Variants in STEAP3 observed in about 807,000 individuals in gnomAD.
The protein encoded by STEAP3 is metalloreductase STEAP3.
In STEAP3, 35 loss-of-function variants were observed where a neutral mutation model predicts 34.9. The ratio of observed to expected loss-of-function variants is 1.00; its 90% confidence interval spans 0.76 to 1.33. STEAP3 has a LOEUF of 1.33. STEAP3 is among the 40% of genes most tolerant of loss of function. STEAP3 has a pLI of 0.00. For missense variants in STEAP3, 652 were observed against 667.6 expected (o/e 0.98, Z 0.26); for synonymous variants, 281 against 301.6 (o/e 0.93, Z 0.71).
At chr2:119,239,768 C>T (rs946063986) in intron 2 of STEAP3, among the ~76,000 whole-genome samples, 1 of 152,186 alleles carries the variant, frequency 6.6e-6, no homozygotes, top group African/African-American at 2.4e-5. Flanking sequence ...TAGTCCACTG[C>T]CTGGCCCTCC....
chr2:119,245,246 C>T, intron 2 of STEAP3: 1 of 500,030 alleles, frequency 2.0e-6, no homozygotes, highest in Non-Finnish European at 3.5e-6. Flanking sequence ...AATCATTCAG[C>T]AGGAGGGACA....
intron 4 of STEAP3, among the ~76,000 whole-genome samples, chr2:119,250,881 C>T (rs1359480107): frequency 2.6e-5 from 4 of 152,162 alleles, no homozygotes; most frequent in Admixed American, 6.5e-5. Flanking sequence ...CCATCCCTCC[C>T]GCAGGACGAG....
intron 4 of STEAP3, among the ~76,000 whole-genome samples, chr2:119,250,799 C>T (rs376024585): frequency 2.2e-4 from 34 of 152,264 alleles, no homozygotes; most frequent in East Asian, 1.2e-3. Flanking sequence ...CACAGAGGGG[C>T]GCATGCAAGG....
At chr2:119,240,211 A>C (rs1020346018) in intron 2 of STEAP3, among the ~76,000 whole-genome samples, 13 of 152,358 alleles carry the variant, frequency 8.5e-5, no homozygotes, top group Non-Finnish European at 1.6e-4. Flanking sequence ...TCAATAAATA[A>C]ATAACTAATA....
chr2:119,235,396 G>A (rs978322166), intron 2 of STEAP3, among the ~76,000 whole-genome samples: 1 of 152,128 alleles, frequency 6.6e-6, no homozygotes, highest in Non-Finnish European at 1.5e-5. Flanking sequence ...TGGGAGCTGG[G>A]CCAACTGTAA....
chr2:119,235,081 G>A (rs1484868538), intron 2 of STEAP3, among the ~76,000 whole-genome samples: 1 of 152,144 alleles, frequency 6.6e-6, no homozygotes, highest in East Asian at 1.9e-4. Flanking sequence ...GGTGTTAGGG[G>A]GCTCCTGGAT....
intron 2 of STEAP3, among the ~76,000 whole-genome samples, chr2:119,237,809 G>T (rs1016380090): frequency 6.6e-6 from 1 of 152,094 alleles, no homozygotes; most frequent in Non-Finnish European, 1.5e-5. Context: ...GAGTTGCATG[G>T]TGTACCCGTG....
intron 4 of STEAP3, among the ~76,000 whole-genome samples, chr2:119,252,867 A>T (rs1677663578): frequency 6.6e-6 from 1 of 152,086 alleles, no homozygotes; most frequent in South Asian, 2.1e-4. Context: ...AAAACAAGGC[A>T]TTTTACAAGC....
At chr2:119,231,475 G>A (rs1305334266) in intron 2 of STEAP3, among the ~76,000 whole-genome samples, 2 of 151,774 alleles carry the variant, frequency 1.3e-5, no homozygotes, top group Non-Finnish European at 2.9e-5. Context: ...TTTCTGCATT[G>A]GTTTAGCACG....
At chr2:119,243,485 C>G (rs1208951061) in intron 2 of STEAP3, among the ~76,000 whole-genome samples, 1 of 152,200 alleles carries the variant, frequency 6.6e-6, no homozygotes, top group Non-Finnish European at 1.5e-5. Flanking sequence ...CTGAGCCTCC[C>G]TGAGCCTCAG....
In STEAP3 at chr2:119,254,789, G is replaced by A. The variant is rs762111341; in HGVS notation, c.1156G>A (p.Val386Met). ...LALGTLSLLA[V>M]TSLPSIANSL... ...CCTCGGCACGTTGTCCCTGCTGGCC[G>A]TGACCTCACTGCCGTCCATTGCAAA... The change falls in exon 5 of 6, where the codon GTG becomes ATG. Residue 386 changes from valine to methionine, a missense_variant. Coordinates refer to ENST00000393110, the MANE Select transcript of STEAP3 (RefSeq NM_182915.3). 227 of 1,614,032 alleles carry A rather than the reference G, an allele frequency of 1.4e-4. No individual in the cohort carries two copies. Among genetic ancestry groups the A allele is most frequent in the Non-Finnish European group, 1.7e-4 (200 of 1,180,042 alleles).
intron 2 of STEAP3, among the ~76,000 whole-genome samples, chr2:119,237,458 C>G (rs1275420512): frequency 6.6e-6 from 1 of 152,222 alleles, no homozygotes; most frequent in Non-Finnish European, 1.5e-5. Flanking sequence ...ACTTGCTCCT[C>G]TGCCCTCCCC....
chr2:119,257,928 A>G (rs1481412528), intron 5 of STEAP3, among the ~76,000 whole-genome samples: 1 of 152,232 alleles, frequency 6.6e-6, no homozygotes, highest in Non-Finnish European at 1.5e-5. Flanking sequence ...GGACCTGTCC[A>G]TAGAGTAAAG....
At chr2:119,257,407 C>T in intron 5 of STEAP3, 3 of 1,422,522 alleles carry the variant, frequency 2.1e-6, no homozygotes, top group Non-Finnish European at 2.8e-6. Flanking sequence ...ATGGCTCTGG[C>T]AATCTATTTT....
intron 3 of STEAP3, 71 bp from the exon 4 acceptor site, chr2:119,247,608 G>A (rs1558751312): frequency 6.9e-7 from 1 of 1,457,884 alleles, no homozygotes; most frequent in Admixed American, 2.6e-5. Context: ...GGTTTCCTCA[G>A]CTGCTCAGTG....
chr2:119,262,997 G>C (rs1329580083), intron 5 of STEAP3, 60 bp from the exon 6 acceptor site: 21 of 1,577,588 alleles, frequency 1.3e-5, no homozygotes, highest in Non-Finnish European at 1.6e-5. Context: ...TGAGTCGTTG[G>C]CAGGATCACT....
At chr2:119,258,902 G>C (rs539812718) in intron 5 of STEAP3, among the ~76,000 whole-genome samples, 1 of 144,538 alleles carries the variant, frequency 6.9e-6, no homozygotes. Context: ...GATTATAGGC[G>C]TGAGCCACCG....
chr2:119,241,885 C>T (rs1011490222), intron 2 of STEAP3, among the ~76,000 whole-genome samples: 4 of 152,186 alleles, frequency 2.6e-5, no homozygotes, highest in African/African-American at 4.8e-5. Flanking sequence ...AGTTTTGTTT[C>T]GAGGTAAATC....
intron 1 of STEAP3, among the ~76,000 whole-genome samples, chr2:119,224,556 T>G (rs1049319623): frequency 6.6e-6 from 1 of 152,190 alleles, no homozygotes; most frequent in Non-Finnish European, 1.5e-5. Context: ...CTTTGGTCAC[T>G]CTGGGTAAAT....
Sources: allele counts gnomAD v4.1 joint callset (sites outside exome capture counted in the v4.1 genomes callset), GRCh38; gene constraint gnomAD v4.1.1; transcripts MANE v1.5; gene names NCBI Gene and HGNC (gene_info 2026-07-23, HGNC 2026-07-21).